The following NFASC variants were observed in gnomAD, a reference collection of about 807,000 sequenced individuals.
NFASC encodes neurofascin homolog.
Under a neutral mutation model 147.5 loss-of-function variants are expected in NFASC, and 43 were observed. The observed-to-expected ratio is 0.29, with a 90% confidence interval of 0.23 to 0.38. The LOEUF (loss-of-function observed/expected upper bound fraction) is 0.38, where lower values mean the gene tolerates loss of function less well. Ranked by LOEUF, NFASC falls within the 10% of genes least tolerant of loss-of-function variation. The pLI, the probability that NFASC is intolerant of heterozygous loss-of-function variation, is 1.00. For synonymous variants in NFASC, 622 were observed against 665.5 expected, an observed-to-expected ratio of 0.93 and a Z score of 1.01; for missense variants, 1,320 against 1,689.0, an observed-to-expected ratio of 0.78 and a Z score of 3.83.
At chr1:204,943,797 G>C (rs1162440038) in intron 2 of NFASC, among the ~76,000 whole-genome samples, 1 of 152,202 alleles carries the variant, frequency 6.6e-6, no homozygotes, top group Non-Finnish European at 1.5e-5. Context: ...CCAGATCGGT[G>C]CATGGCATCT....
rs754675400 is a variant in NFASC at position 204,976,718 on chromosome 1, G to T, written c.1754G>T (p.Arg585Leu). 1 of 1,614,022 alleles carries T rather than the reference G, an allele frequency of 6.2e-7. No homozygotes were observed. The highest frequency in any genetic ancestry group is 2.2e-5 in the East Asian group (1 of 44,864). ...CTGACCATCTTTGGGGTGGCAGAGC[G>T]GGACCAGGGCAGTTACACGTGTGTC... ...DSLTIFGVAE[R>L]DQGSYTCVAS... Residue 585 changes from arginine to leucine, a missense_variant, in exon 16 of 30, where the codon CGG becomes CTG. Coordinates refer to ENST00000339876, the MANE Select transcript of NFASC (RefSeq NM_001005388.3).
At position 204,950,543 on chromosome 1, in the gene NFASC, G is replaced by C. The variant is rs182943191; in HGVS notation, c.92-14G>C. 1.2e-6 allele frequency: 2 copies of C among 1,611,520 alleles called. No individual in the cohort carries two copies. Among genetic ancestry groups the C allele is most frequent in the South Asian group, 2.2e-5 (2 of 90,388 alleles). On this transcript the variant is annotated splice_polypyrimidine_tract_variant and intron_variant, in intron 3 of 29. Coordinates refer to ENST00000339876, the MANE Select transcript of NFASC (RefSeq NM_001005388.3). Reference sequence around the variant, plus strand: ...TTTTCTCCCTCTCCAATGCTAACCCGTCGGAACTAACAGCAAGCATTCAGA... The same window carrying C: ...TTTTCTCCCTCTCCAATGCTAACCCCTCGGAACTAACAGCAAGCATTCAGA...
At chr1:204,843,152 T>C (rs189844998) in intron 1 of NFASC, among the ~76,000 whole-genome samples, 23 of 152,276 alleles carry the variant, frequency 1.5e-4, no homozygotes, top group Non-Finnish European at 2.6e-4. Context: ...GCAAGAATCC[T>C]TTGTTTCTCA....
chr1:204,877,048 TA>T lies in NFASC; in HGVS notation c.-199-43582del, dbSNP rs533737620. 1.0e-4 allele frequency among the ~76,000 whole-genome samples: 10 copies of T among 97,614 alleles called. 2 individuals carry two copies. In the East Asian group the frequency reaches 3.0e-3, roughly 29 times the overall value. The allele number at this position is 97,614 out of a possible 152,430, so 64.0% of individuals were successfully genotyped here. ...TATATAATATATATTTATATATATA[TA>T]ATATATTTATTTATATATTTATATA... On this transcript the variant is annotated intron_variant, in intron 1 of 29. Transcript: ENST00000339876.
intron 8 of NFASC, among the ~76,000 whole-genome samples, chr1:204,965,745 T>C (rs1435569060): frequency 6.6e-6 from 1 of 152,230 alleles, no homozygotes; most frequent in East Asian, 1.9e-4. Flanking sequence ...TTGGTTTGAA[T>C]AAGAAAGATA....
intron 10 of NFASC, 28 bp from the exon 11 acceptor site, chr1:204,970,588 C>G: frequency 6.2e-7 from 1 of 1,612,978 alleles, no homozygotes; most frequent in East Asian, 2.2e-5. Context: ...CATCTAACTC[C>G]CCTGCCTGTG....
chr1:204,991,573 C>T (rs2095737701), intron 24 of NFASC, among the ~76,000 whole-genome samples: 1 of 152,228 alleles, frequency 6.6e-6, no homozygotes, highest in Admixed American at 6.5e-5. Flanking sequence ...ACACACCGGC[C>T]CTGACCTGCT....
chr1:204,988,895 G>T (rs746257084), intron 23 of NFASC, 89 bp downstream of exon 23: 1 of 1,287,062 alleles, frequency 7.8e-7, no homozygotes, highest in Admixed American at 1.7e-5. Flanking sequence ...TGGCTGCCTG[G>T]GATGGAGAGG....
At chr1:204,956,482 G>T (rs1319128981) in intron 7 of NFASC, among the ~76,000 whole-genome samples, 1 of 152,162 alleles carries the variant, frequency 6.6e-6, no homozygotes, top group Middle Eastern at 3.2e-3. Flanking sequence ...TATAAGATAT[G>T]CAGGCTTCAA....
chr1:204,997,738 G>A lies in NFASC; in HGVS notation c.3019+332G>A, dbSNP rs547241486. 266 of 439,092 alleles carry A rather than the reference G, an allele frequency of 6.1e-4. 1 individual carries two copies. The highest frequency in any genetic ancestry group is 6.6e-4 in the Non-Finnish European group (157 of 236,564). The allele number at this position is 439,092 out of a possible 1,614,324, so 27.2% of individuals were successfully genotyped here. On this transcript the variant is annotated intron_variant, in intron 25 of 29. Transcript: ENST00000339876. ...CCCCCAGGTTCCAGATGTTAGGACC[G>A]CCTCCAGCTACATGTCAGGCAGTCA...
At chr1:204,858,648 C>T (rs1248917609) in intron 1 of NFASC, among the ~76,000 whole-genome samples, 5 of 152,128 alleles carry the variant, frequency 3.3e-5, no homozygotes, top group African/African-American at 7.2e-5. Flanking sequence ...TCACTCCCTC[C>T]GCTCCCCCTC....
At chr1:204,870,591 T>A (rs2077527827) in intron 1 of NFASC, 1 of 877,984 alleles carries the variant, frequency 1.1e-6, no homozygotes, top group Non-Finnish European at 1.4e-6. Flanking sequence ...CGTCTCTCTG[T>A]CTATCCCCTC....
chr1:204,841,375 C>T (rs1277590975), intron 1 of NFASC, among the ~76,000 whole-genome samples: 1 of 152,166 alleles, frequency 6.6e-6, no homozygotes, highest in Non-Finnish European at 1.5e-5. Flanking sequence ...TTGATGATCC[C>T]TTTGTTTGAG....
intron 2 of NFASC, among the ~76,000 whole-genome samples, chr1:204,942,191 G>A (rs1174367192): frequency 6.6e-6 from 1 of 152,178 alleles, no homozygotes; most frequent in African/African-American, 2.4e-5. Context: ...AGTGAAATGT[G>A]CCATAATGGG....
rs576080547 is a variant in NFASC at position 204,918,073 on chromosome 1, C to A, written c.-199-2559C>A. Among the ~76,000 whole-genome samples, 8 of 152,272 alleles carry A rather than the reference C, an allele frequency of 5.3e-5. No individual in the cohort carries two copies. The South Asian group carries it at 1.7e-3, about 32-fold the overall frequency. ...TCTCATTAATCTTACTTTTGTGTCT[C>A]CTTTCAACCAGTAAATCTTGTTTCC... On this transcript the variant is annotated intron_variant, in intron 1 of 29. Transcript: ENST00000339876.
chr1:204,897,216 AG>A (rs1355712729), intron 1 of NFASC, among the ~76,000 whole-genome samples: 1 of 152,180 alleles, frequency 6.6e-6, no homozygotes, highest in African/African-American at 2.4e-5. Flanking sequence ...TTTCTGAGGA[AG>A]TGACTTTTAA....
chr1:204,943,906 G>A (rs1004598860), intron 2 of NFASC, among the ~76,000 whole-genome samples: 4 of 152,184 alleles, frequency 2.6e-5, no homozygotes, highest in Admixed American at 6.5e-5. Flanking sequence ...TTTCAGCTGG[G>A]AGTTTTGCCC....
At chr1:205,007,273 G>A (rs1034168543) in intron 27 of NFASC, among the ~76,000 whole-genome samples, 11 of 152,096 alleles carry the variant, frequency 7.2e-5, no homozygotes, top group African/African-American at 1.7e-4. Context: ...ACATGCACTC[G>A]TAGTCCCAGC....
intron 1 of NFASC, among the ~76,000 whole-genome samples, chr1:204,919,213 T>C (rs950027344): frequency 6.6e-6 from 1 of 151,998 alleles, no homozygotes. Flanking sequence ...TTAGTGGAGA[T>C]GGGGTTTCAC....
Sources: allele counts gnomAD v4.1 joint callset (sites outside exome capture counted in the v4.1 genomes callset), GRCh38; gene constraint gnomAD v4.1.1; transcripts MANE v1.5; gene names NCBI Gene and HGNC (gene_info 2026-07-23, HGNC 2026-07-21).